The following SLC4A3 variants were observed in gnomAD, a reference collection of about 807,000 sequenced individuals.
The protein encoded by SLC4A3 is solute carrier family 4 member 3.
A neutral mutation model predicts 114.2 loss-of-function variants in SLC4A3; 47 were observed. That is an observed-to-expected ratio of 0.41 (90% CI 0.33 to 0.52). SLC4A3 has a LOEUF of 0.52. SLC4A3 is among the 20% of genes least tolerant of loss of function. SLC4A3 has a pLI of 0.21. For missense variants in SLC4A3, 1,312 were observed against 1,668.3 expected (o/e 0.79, Z 3.72); for synonymous variants, 693 against 710.3 (o/e 0.98, Z 0.39).
At chr2:219,640,733 G>T in intron 21 of SLC4A3, 56 bp from the exon 22 acceptor site, 1 of 1,585,414 alleles carries the variant, frequency 6.3e-7, no homozygotes, top group South Asian at 1.1e-5. Context: ...CACGATGTGG[G>T]TGGGTGGGAG....
At chr2:219,634,063 G>C (rs1311148393) in intron 11 of SLC4A3, 84 bp downstream of exon 11, 56 of 1,417,738 alleles carry the variant, frequency 3.9e-5, no homozygotes, top group Non-Finnish European at 5.0e-5. Context: ...CTCTGGCCTC[G>C]AGGCCGCCTC....
Position 219,640,953 on chromosome 2 carries a change from G to A in SLC4A3, c.3612G>A (p.Glu1204=). The part of the protein sequence containing the change: ...CLLPRLFQDR[E]LQALDSEDAE... ...TGCCCCGGCTCTTCCAGGACAGGGAGCTGCAGGCGGTAAGGGGGTGGTGGT... is the reference window on the plus strand; with the variant it reads ...TGCCCCGGCTCTTCCAGGACAGGGAACTGCAGGCGGTAAGGGGGTGGTGGT... The change falls in exon 22 of 23, where the codon GAG becomes GAA. Residue 1204 remains glutamate, a synonymous_variant. Coordinates refer to ENST00000358055, the MANE Select transcript of SLC4A3 (RefSeq NM_005070.4). 1 of 1,605,810 alleles carries A rather than the reference G, an allele frequency of 6.2e-7. No individual in the cohort carries two copies. Among genetic ancestry groups the A allele is most frequent in the South Asian group, 1.1e-5 (1 of 91,050 alleles).
Position 219,636,187 on chromosome 2 carries a change from T to C in SLC4A3, c.2192-115T>C. On this transcript the variant is annotated intron_variant, in intron 14 of 22. Transcript: ENST00000358055. This position sits in a 1 kb window ranked among gnomAD's most constrained non-coding sequence, Gnocchi z 5.5. ...TGGGGTATGGAAGGGGCCCTGTGTG[T>C]CACTCTAAGGGGCTGCTCTGCTTTT... The C allele has an allele frequency of 8.3e-7, 1 of 1,210,364 alleles. No individual in the cohort carries two copies. Among genetic ancestry groups the C allele is most frequent in the Non-Finnish European group, 1.2e-6 (1 of 845,726 alleles). 75.0% of individuals were successfully genotyped at this position (1,210,364 alleles called of 1,614,324 possible).
At position 219,629,171 on chromosome 2, in the gene SLC4A3, A is replaced by C. The variant is rs2106180906; in HGVS notation, c.245A>C (p.His82Pro). The stretch of plus-strand genomic sequence containing the variant: ...CACCGGCACACATCCCACCACACCC[A>C]CCACCCGCTCTCAGCGCGCCTGCCT... ...EFHRHTSHHT[H>P]HPLSARLPPP... The change falls in exon 4 of 23, where the codon CAC becomes CCC. Residue 82 changes from histidine to proline, a missense_variant. His to Pro is a moderately conservative substitution (Grantham distance 77, BLOSUM62 -2). This residue lies in a region of SLC4A3 where 236 missense variants were observed against 212.1 expected (regional missense o/e 1.11). Transcript: ENST00000358055. 1 of 1,605,992 alleles carries C rather than the reference A, an allele frequency of 6.2e-7. No homozygotes were observed. Among genetic ancestry groups the C allele is most frequent in the Non-Finnish European group, 8.5e-7 (1 of 1,176,026 alleles).
chr2:219,633,709 A>T, intron 10 of SLC4A3, 171 bp from the exon 11 acceptor site: 1 of 1,055,892 alleles, frequency 9.5e-7, no homozygotes, highest in Non-Finnish European at 1.3e-6. Context: ...GGGGACATCG[A>T]GGCAGGGTCC....
At position 219,631,854 on chromosome 2, in the gene SLC4A3, C is replaced by A; in HGVS notation, c.812-114C>A. 3 of 1,165,484 alleles carry A rather than the reference C, an allele frequency of 2.6e-6. No homozygotes were observed. The highest frequency in any genetic ancestry group is 3.7e-6 in the Non-Finnish European group (3 of 818,432). 72.2% of individuals were successfully genotyped at this position (1,165,484 alleles called of 1,614,324 possible). Reference sequence around the variant, plus strand: ...GATTATGTGGTTCCCGTCGGCATGGCCTGTTGGTGACTGTAGAGCTCACCA... The same window carrying A: ...GATTATGTGGTTCCCGTCGGCATGGACTGTTGGTGACTGTAGAGCTCACCA... On this transcript the variant is annotated intron_variant, in intron 6 of 22. Coordinates refer to ENST00000358055, the MANE Select transcript of SLC4A3 (RefSeq NM_005070.4). This position sits in a 1 kb window ranked among gnomAD's most constrained non-coding sequence, Gnocchi z 6.3.
intron 5 of SLC4A3, 157 bp from the exon 6 acceptor site, chr2:219,629,996 G>T: frequency 6.9e-7 from 1 of 1,443,714 alleles, no homozygotes; most frequent in Non-Finnish European, 9.3e-7. Flanking sequence ...GGAGCCACGG[G>T]ATGGGGAGGG....
Position 219,631,952 on chromosome 2 carries a change from C to T in SLC4A3, c.812-16C>T. Reference sequence around the variant, plus strand: ...CAGCTGGACCTGTGGGACCCCCAAGCCCATCTTCTCTGCAGGTCACCGACT... The same window carrying T: ...CAGCTGGACCTGTGGGACCCCCAAGTCCATCTTCTCTGCAGGTCACCGACT... On this transcript the variant is annotated splice_polypyrimidine_tract_variant and intron_variant, in intron 6 of 22. Coordinates refer to ENST00000358055, the MANE Select transcript of SLC4A3 (RefSeq NM_005070.4). This position sits in a 1 kb window ranked among gnomAD's most constrained non-coding sequence, Gnocchi z 6.3. The T allele has an allele frequency of 6.3e-7, 1 of 1,579,722 alleles. No individual in the cohort carries two copies. The highest frequency in any genetic ancestry group is 8.6e-7 in the Non-Finnish European group (1 of 1,162,544).
At position 219,641,125 on chromosome 2, in the gene SLC4A3, T is replaced by C. The variant is rs1392640158; in HGVS notation, c.3621+163T>C. On this transcript the variant is annotated intron_variant, in intron 22 of 22. Transcript: ENST00000358055. This position sits in a 1 kb window ranked among gnomAD's most constrained non-coding sequence, Gnocchi z 4.0. Reference sequence around the variant, plus strand: ...CTTATTTTCACCTGTATAATAGGGGTGATCATAGACCCTACCTTATAGGAC... The same window carrying C: ...CTTATTTTCACCTGTATAATAGGGGCGATCATAGACCCTACCTTATAGGAC... Among the ~76,000 whole-genome samples the C allele has an allele frequency of 1.3e-5, 2 of 152,114 alleles. No homozygotes were observed. Among genetic ancestry groups the C allele is most frequent in the Non-Finnish European group, 2.9e-5 (2 of 68,028 alleles).
In SLC4A3 at chr2:219,635,887, G is replaced by T. The variant is rs761473723; in HGVS notation, c.2187G>T (p.Leu729=). 1 of 1,510,316 alleles carries T rather than the reference G, an allele frequency of 6.6e-7. No individual in the cohort carries two copies. Among genetic ancestry groups the T allele is most frequent in the Non-Finnish European group, 8.8e-7 (1 of 1,132,740 alleles). 93.6% of individuals were successfully genotyped at this position (1,510,316 alleles called of 1,614,324 possible). ...ALSPAITFGG[L]LGEKTEGLMG... ...GCCCTGCCATCACCTTCGGGGGGCT[G>T]CTGGGTAAGGGACTGGGGCTTGGGG... The change falls in exon 14 of 23, where the codon CTG becomes CTT. Residue 729 remains leucine (L), a synonymous_variant. Coordinates refer to ENST00000358055, the MANE Select transcript of SLC4A3 (RefSeq NM_005070.4).
chr2:219,633,162 T>C, intron 9 of SLC4A3, 112 bp from the exon 10 acceptor site: 2 of 1,384,542 alleles, frequency 1.4e-6, no homozygotes, highest in Non-Finnish European at 2.0e-6. Context: ...TTATAAAGTT[T>C]CTTTTTACAC....
chr2:219,629,391 C>A lies in SLC4A3; in HGVS notation c.465C>A (p.Pro155=), dbSNP rs776239401. ...AATCTGAGGCAGAACCTGTGGAGCC[C>A]CCCCACTCAGGGACCCCACAGAAGG... The part of the protein sequence containing the change: ...EGESEAEPVE[P]PHSGTPQKAK... Residue 155 remains proline (P), a synonymous_variant, in exon 4 of 23, where the codon CCC becomes CCA. Transcript: ENST00000358055. The A allele has an allele frequency of 6.3e-7, 1 of 1,589,576 alleles. No individual in the cohort carries two copies. Among genetic ancestry groups the A allele is most frequent in the Non-Finnish European group, 8.6e-7 (1 of 1,167,774 alleles).
intron 11 of SLC4A3, 64 bp from the exon 12 acceptor site, chr2:219,634,356 T>C: frequency 6.5e-7 from 1 of 1,535,680 alleles, no homozygotes; most frequent in Non-Finnish European, 8.9e-7. Context: ...CCTAGATAGC[T>C]GCCCCAGGGC....
Position 219,636,680 on chromosome 2 carries a change from T to G in SLC4A3, c.2341T>G (p.Phe781Val), listed in dbSNP as rs747710120. 39 of 1,612,814 alleles carry G rather than the reference T, an allele frequency of 2.4e-5. No individual in the cohort carries two copies. The highest frequency in any genetic ancestry group is 2.5e-6 in the Non-Finnish European group (3 of 1,179,328). ...AACGACCGCTCCTACCCCCACCTAG[T>G]TCTGCCGAGCCCAGGACCTGGAGTA... ...LLVFEEAFFK[F>V]CRAQDLEYLT... The change falls in exon 16 of 23, where the codon TTC becomes GTC. Residue 781 changes from phenylalanine to valine, a missense_variant and splice_region_variant. Coordinates refer to ENST00000358055, the MANE Select transcript of SLC4A3 (RefSeq NM_005070.4). This position sits in a 1 kb window ranked among gnomAD's most constrained non-coding sequence, Gnocchi z 5.5.
At position 219,637,869 on chromosome 2, in the gene SLC4A3, T is replaced by C; in HGVS notation, c.2766+58T>C. 22 of 1,377,610 alleles carry C rather than the reference T, an allele frequency of 1.6e-5. No individual in the cohort carries two copies. Among genetic ancestry groups the C allele is most frequent in the Non-Finnish European group, 2.2e-5 (21 of 968,100 alleles). The allele number at this position is 1,377,610 out of a possible 1,614,324, so 85.3% of individuals were successfully genotyped here. A position where few individuals can be genotyped will look rare whatever the true frequency, so the allele number is the denominator to read the frequency against. ...GTCCCACAATTCCTGCTGTAGGAGC[T>C]CCCCAGAGAGGCTGCACCCCTTCCC... On this transcript the variant is annotated intron_variant, in intron 17 of 22. Transcript: ENST00000358055. This position sits in a 1 kb window ranked among gnomAD's most constrained non-coding sequence, Gnocchi z 4.6.
chr2:219,638,117 AC>A lies in SLC4A3; in HGVS notation c.2767-45del, dbSNP rs1559204826. ...TGGCAAGCCCCGTGTTAGTCTGCTG[AC>A]CTTGCCTCCACCTTTTGCTCCCTTC... On this transcript the variant is annotated intron_variant, in intron 17 of 22. Transcript: ENST00000358055. This position sits in a 1 kb window ranked among gnomAD's most constrained non-coding sequence, Gnocchi z 7.5. 6.9e-7 allele frequency: 1 copy of A among 1,458,290 alleles called. No homozygotes were observed. Among genetic ancestry groups the A allele is most frequent in the Non-Finnish European group, 9.5e-7 (1 of 1,051,958 alleles). 90.3% of individuals were successfully genotyped at this position (1,458,290 alleles called of 1,614,324 possible).
Position 219,637,909 on chromosome 2 carries a change from A to C in SLC4A3, c.2766+98A>C, listed in dbSNP as rs1699186085. The C allele has an allele frequency of 1.0e-6, 1 of 997,934 alleles. No homozygotes were observed. Among genetic ancestry groups the C allele is most frequent in the Non-Finnish European group, 1.6e-6 (1 of 645,004 alleles). 61.8% of individuals were successfully genotyped at this position (997,934 alleles called of 1,614,324 possible). ...CACCCCTTCCCCGGTCAGCCCATGG[A>C]CCAAAACCCAGCTCGGGCAGCCCCT... On this transcript the variant is annotated intron_variant, in intron 17 of 22. Coordinates refer to ENST00000358055, the MANE Select transcript of SLC4A3 (RefSeq NM_005070.4). This position sits in a 1 kb window ranked among gnomAD's most constrained non-coding sequence, Gnocchi z 4.6.
At chr2:219,634,972 C>G (rs892665808) in intron 12 of SLC4A3, among the ~76,000 whole-genome samples, 2 of 152,186 alleles carry the variant, frequency 1.3e-5, no homozygotes, top group African/African-American at 4.8e-5. Flanking sequence ...TGTAGCTGAT[C>G]CAATTGGAAT....
In SLC4A3 at chr2:219,634,597, C is replaced by A; in HGVS notation, c.1739C>A (p.Ser580Tyr). ...ELGRSIATLMSDKLFHEAAYQ... is the reference protein window; with the variant it reads ...ELGRSIATLMYDKLFHEAAYQ... ...GGGCGCTCCATTGCCACCCTTATGTCTGACAAGGTTGGGCGCGTGCTGGCT... is the reference window on the plus strand; with the variant it reads ...GGGCGCTCCATTGCCACCCTTATGTATGACAAGGTTGGGCGCGTGCTGGCT... Residue 580 changes from serine (S) to tyrosine (Y), a missense_variant, in exon 12 of 23, where the codon TCT (serine) becomes TAT (tyrosine). Ser to Tyr is a moderately radical substitution (Grantham distance 144). This residue lies in a region of SLC4A3 where 771 missense variants were observed against 977.7 expected (regional missense o/e 0.79). Coordinates refer to ENST00000358055, the MANE Select transcript of SLC4A3 (RefSeq NM_005070.4). 6.2e-7 allele frequency: 1 copy of A among 1,614,054 alleles called. No individual in the cohort carries two copies. Among genetic ancestry groups the A allele is most frequent in the Non-Finnish European group, 8.5e-7 (1 of 1,179,956 alleles).
Sources: allele counts gnomAD v4.1 joint callset (sites outside exome capture counted in the v4.1 genomes callset), GRCh38; gene constraint gnomAD v4.1.1; regional missense constraint gnomAD v4.1.1; non-coding constraint Gnocchi (gnomAD v3.1); transcripts MANE v1.5; gene names NCBI Gene and HGNC (gene_info 2026-07-23, HGNC 2026-07-21).